ADAM19: variants seen among roughly 807,000 people sequenced by gnomAD.
The protein encoded by ADAM19 is ADAM metallopeptidase domain 19, also known as disintegrin and metalloproteinase domain-containing protein 19.
Under a neutral mutation model 114.7 loss-of-function variants are expected in ADAM19, and 65 were observed. That is an observed-to-expected ratio of 0.57 (90% confidence interval 0.46 to 0.70). The LOEUF is 0.70. ADAM19 is among the 30% of genes least tolerant of loss of function. The pLI is 0.00. For missense variants in ADAM19, 1,063 were observed against 1,204.7 expected (o/e 0.88, Z 1.74); for synonymous variants, 466 against 460.5 (o/e 1.01, Z -0.15).
chr5:157,518,710 T>C lies in ADAM19; in HGVS notation c.666+113A>G, dbSNP rs111538266. 3.7e-5 allele frequency: 35 copies of C among 946,840 alleles called. 1 individual carries two copies. The highest frequency in any genetic ancestry group is 1.5e-4 in the African/African-American group (9 of 61,264). The allele number at this position is 946,840 out of a possible 1,614,324, so 58.7% of individuals were successfully genotyped here. The stretch of plus-strand genomic sequence containing the variant: ...TTGGTGAGATTTAAGGTCAAAATCA[T>C]AGATGAACTGGAGAAAGATGAATGG... On this transcript the variant is annotated intron_variant, in intron 7 of 22. Transcript: ENST00000257527.
At chr5:157,501,790 T>C (rs944639727) in intron 12 of ADAM19, among the ~76,000 whole-genome samples, 12 of 152,086 alleles carry the variant, frequency 7.9e-5, no homozygotes, top group Non-Finnish European at 1.5e-4. Flanking sequence ...GGCTCACGCC[T>C]GCAATCCTAG....
intron 3 of ADAM19, among the ~76,000 whole-genome samples, chr5:157,563,134 C>T (rs1241131834): frequency 2.0e-5 from 3 of 152,068 alleles, no homozygotes; most frequent in Middle Eastern, 3.4e-3. Context: ...GGCCAATAGA[C>T]GCTGCACTGT....
At chr5:157,508,974 T>C (rs535927992) in intron 9 of ADAM19, among the ~76,000 whole-genome samples, 2 of 152,356 alleles carry the variant, frequency 1.3e-5, no homozygotes, top group East Asian at 3.9e-4. Context: ...GATGAGTCTC[T>C]TAGAAAGTCT....
chr5:157,482,923 G>A (rs1754802275), intron 21 of ADAM19, among the ~76,000 whole-genome samples: 1 of 152,122 alleles, frequency 6.6e-6, no homozygotes, highest in Non-Finnish European at 1.5e-5. Context: ...GGATGACGCT[G>A]GAAACTATCA....
intron 3 of ADAM19, among the ~76,000 whole-genome samples, chr5:157,539,672 A>G (rs1008536950): frequency 2.6e-5 from 4 of 152,234 alleles, no homozygotes; most frequent in African/African-American, 7.2e-5. Flanking sequence ...TCTCATTCAC[A>G]TGGAAACTTT....
At chr5:157,520,114 G>T (rs1056692643) in intron 5 of ADAM19, 83 bp from the exon 6 acceptor site, 7 of 1,348,380 alleles carry the variant, frequency 5.2e-6, no homozygotes, top group Non-Finnish European at 7.2e-6. Flanking sequence ...TTCTCCATAT[G>T]CAAAATGACA....
At chr5:157,560,264 CAAAAAAA>C (rs35731498) in intron 3 of ADAM19, among the ~76,000 whole-genome samples, 1 of 51,714 alleles carries the variant, frequency 1.9e-5, no homozygotes, top group African/African-American at 6.3e-5. Context: ...GACTCCGTCT[CAAAAAAA>C]AAAAAAAAAA....
intron 8 of ADAM19, 125 bp from the exon 9 acceptor site, chr5:157,509,592 AT>A: frequency 2.4e-6 from 2 of 818,280 alleles, no homozygotes; most frequent in Non-Finnish European, 1.7e-6. Context: ...ATAAAAATAA[AT>A]TTAAAAAAAA....
chr5:157,507,112 C>T lies in ADAM19; in HGVS notation c.934G>A (p.Gly312Ser), dbSNP rs760091053. The part of the protein sequence containing the change: ...TGMSFHGTTI[G>S]LAPLMAMCSV... Reference sequence around the variant, plus strand: ...CACATGGCCATGAGGGGGGCCAGGCCGATGGTGGTGCCGTGGAAGGACATG... The same window carrying T: ...CACATGGCCATGAGGGGGGCCAGGCTGATGGTGGTGCCGTGGAAGGACATG... The change falls in exon 10 of 23, where the codon GGC (glycine) becomes AGC (serine). Residue 312 changes from glycine (G) to serine (S), a missense_variant. Gly to Ser is a moderately conservative substitution (Grantham distance 56). Coordinates refer to ENST00000257527, the MANE Select transcript of ADAM19 (RefSeq NM_033274.5). 2 of 1,614,086 alleles carry T rather than the reference C, an allele frequency of 1.2e-6. No homozygotes were observed. Among genetic ancestry groups the T allele is most frequent in the Non-Finnish European group, 8.5e-7 (1 of 1,180,000 alleles).
chr5:157,558,324 A>G (rs2113787156), intron 3 of ADAM19, among the ~76,000 whole-genome samples: 1 of 152,364 alleles, frequency 6.6e-6, no homozygotes, highest in East Asian at 1.9e-4. Context: ...CGGGTTATAC[A>G]ACCTTAGCCA....
intron 9 of ADAM19, 100 bp downstream of exon 9, chr5:157,509,201 T>G (rs987904363): frequency 1.5e-6 from 2 of 1,305,688 alleles, no homozygotes; most frequent in Non-Finnish European, 2.1e-6. Context: ...AATGGCCTTG[T>G]ACAACCAACA....
chr5:157,518,736 G>A (rs1756174745), intron 7 of ADAM19, 87 bp downstream of exon 7: 4 of 1,069,596 alleles, frequency 3.7e-6, no homozygotes, highest in Non-Finnish European at 5.8e-6. Context: ...AGATGAATGG[G>A]CAACATTTCC....
intron 7 of ADAM19, among the ~76,000 whole-genome samples, chr5:157,517,182 C>A (rs558674053): frequency 6.6e-6 from 1 of 152,150 alleles, no homozygotes; most frequent in Non-Finnish European, 1.5e-5. Context: ...CAGCCTAGTG[C>A]TCTCCCCACC....
chr5:157,499,737 C>T, intron 12 of ADAM19, 75 bp from the exon 13 acceptor site: 1 of 962,162 alleles, frequency 1.0e-6, no homozygotes, highest in Non-Finnish European at 1.6e-6. Flanking sequence ...CCCTTGCCCA[C>T]ACACCCCTGG....
chr5:157,496,041 G>A (rs1755354542), intron 14 of ADAM19, among the ~76,000 whole-genome samples: 1 of 140,368 alleles, frequency 7.1e-6, no homozygotes, highest in South Asian at 2.4e-4. Flanking sequence ...CTGGGCTCAA[G>A]CCATCCCCCC....
rs1754693755 is a variant in ADAM19, at chr5:157,479,916, C to T, written c.*1033G>A. On this transcript the variant is annotated 3_prime_UTR_variant, in exon 23 of 23. Transcript: ENST00000257527. ...AGCTTAGAGTAAGGAGGAAGACCCC[C>T]ACCCTGCTGAGGTCACAAAACACAA... is the stretch of plus-strand genomic sequence containing the variant. 1 of 985,938 alleles carries T rather than the reference C, an allele frequency of 1.0e-6. No homozygotes were observed. The highest frequency in any genetic ancestry group is 1.7e-5 in the African/African-American group (1 of 57,356). 61.1% of individuals were successfully genotyped at this position (985,938 alleles called of 1,614,324 possible).
At chr5:157,538,276 C>T (rs542613776) in intron 3 of ADAM19, among the ~76,000 whole-genome samples, 8 of 152,266 alleles carry the variant, frequency 5.3e-5, no homozygotes, top group Admixed American at 2.0e-4. Context: ...TTGTCTGGGT[C>T]CTGGGAAAAC....
chr5:157,481,485 T>G (rs897947172), intron 22 of ADAM19: 5 of 951,668 alleles, frequency 5.3e-6, no homozygotes, highest in Admixed American at 2.9e-5. Context: ...CTGCTCATCA[T>G]AGCCTCTGTA....
At chr5:157,572,226 C>G in intron 1 of ADAM19, 1 of 452,286 alleles carries the variant, frequency 2.2e-6, no homozygotes, top group Non-Finnish European at 4.4e-6. Context: ...GCTGGGACTA[C>G]AGGCACCCGC....
Sources: allele counts gnomAD v4.1 joint callset (sites outside exome capture counted in the v4.1 genomes callset), GRCh38; gene constraint gnomAD v4.1.1; transcripts MANE v1.5; gene names NCBI Gene and HGNC (gene_info 2026-07-23, HGNC 2026-07-21).